The following SH3GL1 variants were observed in gnomAD, a reference collection of about 807,000 sequenced individuals.
The protein encoded by SH3GL1 is endophilin-A2.
A neutral mutation model predicts 48.8 loss-of-function variants in SH3GL1; 21 were observed. The ratio of observed to expected loss-of-function variants is 0.43; its 90% confidence interval spans 0.30 to 0.62. The LOEUF is 0.62. Ranked by LOEUF, SH3GL1 falls within the 20% of genes least tolerant of loss-of-function variation. SH3GL1 has a pLI of 0.11. For missense variants in SH3GL1, 454 were observed against 503.0 expected, an observed-to-expected ratio of 0.90 and a Z score of 0.93; for synonymous variants, 282 against 217.5, an observed-to-expected ratio of 1.30 and a Z score of -2.61.
chr19:4,400,535 C>T lies in SH3GL1; in HGVS notation c.-167G>A. Reference sequence around the variant, plus strand: ...CGCCTCAGCCGCTCGCGCGCCCGCGCGGCCAGGATATTACATGGCAACCGC... The same window carrying T: ...CGCCTCAGCCGCTCGCGCGCCCGCGTGGCCAGGATATTACATGGCAACCGC... On this transcript the variant is annotated 5_prime_UTR_variant, in exon 1 of 10. Coordinates refer to ENST00000269886, the MANE Select transcript of SH3GL1 (RefSeq NM_003025.4). This position sits in a 1 kb window ranked among gnomAD's most constrained non-coding sequence, Gnocchi z 4.1. 2.6e-6 allele frequency: 1 copy of T among 381,454 alleles called. No individual in the cohort carries two copies. The allele number at this position is 381,454 out of a possible 1,614,324, so 23.6% of individuals were successfully genotyped here. A position where few individuals can be genotyped will look rare whatever the true frequency, so the allele number is the denominator to read the frequency against.
At position 4,362,351 on chromosome 19, in the gene SH3GL1, G is replaced by C. The variant is rs765879947; in HGVS notation, c.888C>G (p.Ile296Met). ...SSSFRSSDKP[I>M]RTPSRSMPPL... The stretch of plus-strand genomic sequence containing the variant: ...CACGCATGCTCCGGCTAGGGGTCCG[G>C]ATGGGCTTGTCGGAAGATCGGAAAG... The change falls in exon 9 of 10, where the codon ATC becomes ATG. Residue 296 changes from isoleucine (I) to methionine (M), a missense_variant. Physicochemically the swap from Ile to Met is conservative, Grantham distance 10 (BLOSUM62 1). This residue lies in a region of SH3GL1 where 278 missense variants were observed against 246.8 expected (regional missense o/e 1.13). Transcript: ENST00000269886. The C allele has an allele frequency of 1.2e-6, 2 of 1,612,400 alleles. No homozygotes were observed. The highest frequency in any genetic ancestry group is 1.7e-4 in the Middle Eastern group (1 of 6,058).
At position 4,367,747 on chromosome 19, in the gene SH3GL1, T is replaced by C. The variant is rs1038385176; in HGVS notation, c.46-753A>G. ...CCAAACCACTCCCTCTGACAGCGCC[T>C]GGGATGCGAAAAACAGCCCTGAAAT... On this transcript the variant is annotated intron_variant, in intron 1 of 9. Transcript: ENST00000269886. This position sits in a 1 kb window ranked among gnomAD's most constrained non-coding sequence, Gnocchi z 4.2. Among the ~76,000 whole-genome samples the C allele has an allele frequency of 3.9e-5, 6 of 152,226 alleles. No homozygotes were observed. The highest frequency in any genetic ancestry group is 8.8e-5 in the Non-Finnish European group (6 of 68,034).
At position 4,365,401 on chromosome 19, in the gene SH3GL1, G is replaced by A. The variant is rs531392604; in HGVS notation, c.331+81C>T. The A allele has an allele frequency of 1.2e-3, 1,901 of 1,578,566 alleles. 8 individuals carry two copies. The highest frequency in any genetic ancestry group is 1.2e-3 in the Non-Finnish European group (1,346 of 1,152,082). Reference sequence around the variant, plus strand: ...TGTACGTCCCCGGCACTCAGCACATGCAGGGCCTGGACCTGCCCTGCCTGT... The same window carrying A: ...TGTACGTCCCCGGCACTCAGCACATACAGGGCCTGGACCTGCCCTGCCTGT... On this transcript the variant is annotated intron_variant, in intron 4 of 9. Transcript: ENST00000269886.
chr19:4,365,499 C>T lies in SH3GL1; in HGVS notation c.314G>A (p.Gly105Asp), dbSNP rs1212303058. 1.9e-6 allele frequency: 3 copies of T among 1,613,716 alleles called. No individual in the cohort carries two copies. Among genetic ancestry groups the T allele is most frequent in the African/African-American group, 2.7e-5 (2 of 74,942 alleles). The change falls in exon 4 of 10, where the codon GGC becomes GAC. Residue 105 changes from glycine to aspartate, a missense_variant. Around this residue, in one of 2 missense-constraint regions of SH3GL1, gnomAD observed 176 missense variants for 256.2 expected, o/e 0.69. Transcript: ENST00000269886. ...CCACTCACCAAAGTTGGACTCGCCG[C>T]CCAGCTCCTTCCCGTGGCGGATCAT... is the stretch of plus-strand genomic sequence containing the variant. ...ECMIRHGKEL[G>D]GESNFGDALL...
chr19:4,370,737 A>G (rs2080391912), intron 1 of SH3GL1, among the ~76,000 whole-genome samples: 1 of 152,262 alleles, frequency 6.6e-6, no homozygotes, highest in Admixed American at 6.5e-5. Flanking sequence ...AGAGGCTGTG[A>G]CATGTCCCCG....
At chr19:4,383,088 T>C (rs1364687101) in intron 1 of SH3GL1, among the ~76,000 whole-genome samples, 1 of 152,136 alleles carries the variant, frequency 6.6e-6, no homozygotes, top group Non-Finnish European at 1.5e-5. Context: ...CTGGCTAATT[T>C]TGTATTTTTA....
At chr19:4,383,322 C>A (rs1427856296) in intron 1 of SH3GL1, among the ~76,000 whole-genome samples, 2 of 152,074 alleles carry the variant, frequency 1.3e-5, no homozygotes, top group African/African-American at 4.8e-5. Context: ...TCAATCAATC[C>A]TCTGGCCTCA....
intron 1 of SH3GL1, among the ~76,000 whole-genome samples, chr19:4,372,071 G>A (rs1008096688): frequency 3.5e-5 from 5 of 143,622 alleles, no homozygotes; most frequent in African/African-American, 1.2e-4. Context: ...AGCCTTCCAA[G>A]TGCCAAAACT....
At chr19:4,387,348 G>C (rs544853075) in intron 1 of SH3GL1, among the ~76,000 whole-genome samples, 14 of 152,132 alleles carry the variant, frequency 9.2e-5, no homozygotes, top group African/African-American at 1.4e-4. Context: ...GCCCAGGCTG[G>C]AGGGCAGCGG....
chr19:4,361,426 G>A lies in SH3GL1; in HGVS notation c.*174C>T, dbSNP rs1972607269. On this transcript the variant is annotated 3_prime_UTR_variant, in exon 10 of 10. Transcript: ENST00000269886. ...CAGGCATCCCCACCCACCCAGATAA[G>A]CCCCCCCACCCAAGTGTGGGGTCCT... The A allele has an allele frequency of 5.0e-6, 3 of 596,688 alleles. No individual in the cohort carries two copies. The highest frequency in any genetic ancestry group is 8.9e-6 in the Non-Finnish European group (3 of 336,702). 37.0% of individuals were successfully genotyped at this position (596,688 alleles called of 1,614,324 possible). A position where few individuals can be genotyped will look rare whatever the true frequency, so the allele number is the denominator to read the frequency against.
At position 4,362,545 on chromosome 19, in the gene SH3GL1, G is replaced by A. The variant is rs1035735641; in HGVS notation, c.853+67C>T. ...GTCTGGCGCTCAGAGACCCAGGACA[G>A]GGCCAGCCCTTGGCCACTCCCACCC... On this transcript the variant is annotated intron_variant, in intron 8 of 9. Transcript: ENST00000269886. 7.5e-6 allele frequency: 12 copies of A among 1,606,248 alleles called. No individual in the cohort carries two copies. The Admixed American group carries it at 1.7e-4, about 23-fold the overall frequency.
intron 1 of SH3GL1, among the ~76,000 whole-genome samples, chr19:4,375,811 C>A (rs1972996793): frequency 6.6e-6 from 1 of 152,226 alleles, no homozygotes; most frequent in Admixed American, 6.5e-5. Context: ...GGCGATAAAT[C>A]CCCTGAGGCT....
intron 1 of SH3GL1, among the ~76,000 whole-genome samples, chr19:4,393,406 G>A (rs1973371714): frequency 6.6e-6 from 1 of 152,112 alleles, no homozygotes; most frequent in Non-Finnish European, 1.5e-5. Flanking sequence ...GATCACTTGA[G>A]TCCAGGAGTT....
Position 4,367,857 on chromosome 19 carries a change from T to C in SH3GL1, c.46-863A>G, listed in dbSNP as rs1215680494. 6.6e-6 allele frequency among the ~76,000 whole-genome samples: 1 copy of C among 152,156 alleles called. No individual in the cohort carries two copies. Among genetic ancestry groups the C allele is most frequent in the Non-Finnish European group, 1.5e-5 (1 of 68,018 alleles). On this transcript the variant is annotated intron_variant, in intron 1 of 9. Transcript: ENST00000269886. The surrounding 1 kb of genome is among the most constrained non-coding windows in gnomAD (Gnocchi z 4.2). Reference sequence around the variant, plus strand: ...TGCTTTCTTCACCCCACGTATCCCATGTGTGCCTGGCGCCAAGGGATGCCG... The same window carrying C: ...TGCTTTCTTCACCCCACGTATCCCACGTGTGCCTGGCGCCAAGGGATGCCG...
Position 4,389,012 on chromosome 19 carries a change from C to T in SH3GL1, c.45+11312G>A, listed in dbSNP as rs559484961. ...CACCTGCCTCCCTGGTGCTGTGACA[C>T]GGCCTGGTCAGATGCCTGGCCAGCG... On this transcript the variant is annotated intron_variant, in intron 1 of 9. Coordinates refer to ENST00000269886, the MANE Select transcript of SH3GL1 (RefSeq NM_003025.4). This position sits in a 1 kb window ranked among gnomAD's most constrained non-coding sequence, Gnocchi z 4.5. Among the ~76,000 whole-genome samples, 63 of 152,360 alleles carry T rather than the reference C, an allele frequency of 4.1e-4. No individual in the cohort carries two copies. Among genetic ancestry groups the T allele is most frequent in the African/African-American group, 1.5e-3 (62 of 41,582 alleles).
intron 9 of SH3GL1, among the ~76,000 whole-genome samples, 164 bp from the exon 10 acceptor site, chr19:4,361,960 A>G (rs982905358): frequency 1.3e-5 from 2 of 150,396 alleles, no homozygotes; most frequent in African/African-American, 4.9e-5. Context: ...TCCGGCCTCT[A>G]CTGCCACCCA....
At chr19:4,392,691 A>C (rs1438481778) in intron 1 of SH3GL1, among the ~76,000 whole-genome samples, 1 of 152,176 alleles carries the variant, frequency 6.6e-6, no homozygotes, top group South Asian at 2.1e-4. Flanking sequence ...TCAGGCCTGT[A>C]ATCCCAGCAC....
At position 4,367,078 on chromosome 19, in the gene SH3GL1, A is replaced by G; in HGVS notation, c.46-84T>C. ...GGAGGCCCTGAGCCGCCTTCCAGCCACATCGCATCCACAGCTGGAGGCAGG... is the reference window on the plus strand; with the variant it reads ...GGAGGCCCTGAGCCGCCTTCCAGCCGCATCGCATCCACAGCTGGAGGCAGG... On this transcript the variant is annotated intron_variant, in intron 1 of 9. Coordinates refer to ENST00000269886, the MANE Select transcript of SH3GL1 (RefSeq NM_003025.4). The surrounding 1 kb of genome is among the most constrained non-coding windows in gnomAD (Gnocchi z 4.2). 8.0e-7 allele frequency: 1 copy of G among 1,243,532 alleles called. No individual in the cohort carries two copies. Among genetic ancestry groups the G allele is most frequent in the South Asian group, 1.2e-5 (1 of 83,440 alleles). 77.0% of individuals were successfully genotyped at this position (1,243,532 alleles called of 1,614,324 possible).
intron 3 of SH3GL1, 75 bp from the exon 4 acceptor site, chr19:4,365,700 A>C: frequency 2.5e-6 from 4 of 1,590,774 alleles, no homozygotes; most frequent in Non-Finnish European, 2.6e-6. Context: ...CAGCCCCCAC[A>C]TCTCCTCCCC....
Sources: allele counts gnomAD v4.1 joint callset (sites outside exome capture counted in the v4.1 genomes callset), GRCh38; gene constraint gnomAD v4.1.1; regional missense constraint gnomAD v4.1.1; non-coding constraint Gnocchi (gnomAD v3.1); transcripts MANE v1.5; gene names NCBI Gene and HGNC (gene_info 2026-07-23, HGNC 2026-07-21).